The following CCDC91 variants were observed in gnomAD, a reference collection of about 807,000 sequenced individuals.
CCDC91 encodes the protein coiled-coil domain-containing protein 91.
CCDC91 carries 48 observed loss-of-function variants against 63.2 expected under a neutral mutation model. The ratio of observed to expected loss-of-function variants is 0.76; its 90% confidence interval spans 0.60 to 0.97. The LOEUF (loss-of-function observed/expected upper bound fraction) is 0.97. Among genes scored for constraint, CCDC91 ranks in the 50% least tolerant of loss-of-function variants. The pLI is 0.00. For missense variants in CCDC91, 500 were observed against 494.6 expected (o/e 1.01, Z -0.10); for synonymous variants, 167 against 165.8 (o/e 1.01, Z -0.06).
intron 1 of CCDC91, among the ~76,000 whole-genome samples, chr12:28,224,446 C>T (rs571246309): frequency 6.0e-4 from 92 of 152,196 alleles, no homozygotes; most frequent in African/African-American, 1.9e-3. Flanking sequence ...TATTTCCTCC[C>T]TTTTTCTTTC....
At chr12:28,363,700 A>T (rs1341484023) in intron 7 of CCDC91, among the ~76,000 whole-genome samples, 1 of 151,138 alleles carries the variant, frequency 6.6e-6, no homozygotes, top group Non-Finnish European at 1.5e-5. Context: ...ACACGGTGAA[A>T]CCCCGTCTCT....
intron 11 of CCDC91, among the ~76,000 whole-genome samples, chr12:28,464,026 C>CTT (rs891565742): frequency 6.6e-6 from 1 of 152,138 alleles, no homozygotes; most frequent in African/African-American, 2.4e-5. Flanking sequence ...GAGTGTCTCT[C>CTT]TGCCCTGGGG....
At chr12:28,226,668 G>A (rs1944290683) in intron 1 of CCDC91, among the ~76,000 whole-genome samples, 1 of 151,900 alleles carries the variant, frequency 6.6e-6, no homozygotes, top group Non-Finnish European at 1.5e-5. Flanking sequence ...TAAATGAATG[G>A]CCAATATTTA....
At chr12:28,365,432 T>G (rs577604782) in intron 7 of CCDC91, among the ~76,000 whole-genome samples, 1 of 152,266 alleles carries the variant, frequency 6.6e-6, no homozygotes, top group South Asian at 2.1e-4. Context: ...ACACTCACAA[T>G]AACAAGAAAA....
intron 1 of CCDC91, among the ~76,000 whole-genome samples, chr12:28,235,816 A>G (rs1167223976): frequency 6.6e-6 from 1 of 151,442 alleles, no homozygotes; most frequent in Non-Finnish European, 1.5e-5. Context: ...TTTTTTTGGT[A>G]CTTAAGCTGT....
chr12:28,371,402 T>A (rs949566558), intron 7 of CCDC91, among the ~76,000 whole-genome samples: 4 of 152,188 alleles, frequency 2.6e-5, no homozygotes, highest in African/African-American at 4.8e-5. Context: ...AATTTCATCC[T>A]GAAACCATCC....
At chr12:28,435,309 T>C (rs7977418) in intron 8 of CCDC91, among the ~76,000 whole-genome samples, 60,477 of 151,262 alleles carry the variant, frequency 0.4, 12,573 homozygotes, top group Middle Eastern at 0.5. Flanking sequence ...TTGCGTTTTT[T>C]TTTTCTTTTA....
chr12:28,416,743 C>G (rs1947686177), intron 8 of CCDC91, among the ~76,000 whole-genome samples: 1 of 152,062 alleles, frequency 6.6e-6, no homozygotes, highest in Non-Finnish European at 1.5e-5. Context: ...GAGCCAGGGT[C>G]AAGGCCTAGT....
intron 1 of CCDC91, among the ~76,000 whole-genome samples, chr12:28,243,500 G>A (rs1203420891): frequency 1.3e-5 from 2 of 152,114 alleles, no homozygotes; most frequent in Non-Finnish European, 2.9e-5. Context: ...ATTGGTATAC[G>A]TAAATTAGTA....
chr12:28,463,233 G>T (rs1950393787), intron 11 of CCDC91, among the ~76,000 whole-genome samples: 1 of 152,162 alleles, frequency 6.6e-6, no homozygotes, highest in Non-Finnish European at 1.5e-5. Flanking sequence ...AGATGGAAAT[G>T]AGCACAGTGT....
chr12:28,448,293 A>G (rs1219086552), intron 8 of CCDC91, among the ~76,000 whole-genome samples: 4 of 152,210 alleles, frequency 2.6e-5, no homozygotes, highest in Non-Finnish European at 5.9e-5. Flanking sequence ...AGCACTTTCA[A>G]CAGTGCCTGG....
intron 3 of CCDC91, among the ~76,000 whole-genome samples, chr12:28,276,565 C>G (rs1948240283): frequency 2.0e-5 from 3 of 151,876 alleles, no homozygotes; most frequent in African/African-American, 7.3e-5. Context: ...TGATAAAGAT[C>G]TTGGCTGAGG....
rs138854769 is a variant in CCDC91 at position 28,193,132 on chromosome 12, A to G, written c.-15+2491A>G. ...TGTGTGAATATATCATAGTATGTTTATTCGCCATTTGATGAACAATTTTTG... is the reference window on the plus strand; with the variant it reads ...TGTGTGAATATATCATAGTATGTTTGTTCGCCATTTGATGAACAATTTTTG... On this transcript the variant is annotated intron_variant, in intron 1 of 12. Coordinates refer to ENST00000536442, the MANE Select transcript of CCDC91 (RefSeq NM_018318.5). Among the ~76,000 whole-genome samples, 170 of 152,344 alleles carry G rather than the reference A, an allele frequency of 1.1e-3. 3 individuals carry two copies. Among genetic ancestry groups the G allele is most frequent in the African/African-American group, 3.9e-3 (164 of 41,570 alleles).
intron 7 of CCDC91, among the ~76,000 whole-genome samples, chr12:28,379,073 G>C (rs1945121654): frequency 6.6e-6 from 1 of 151,948 alleles, no homozygotes; most frequent in African/African-American, 2.4e-5. Flanking sequence ...GATAGTCAAA[G>C]GAATGAAGAG....
chr12:28,512,028 G>T (rs982746977), intron 12 of CCDC91, among the ~76,000 whole-genome samples: 4 of 151,712 alleles, frequency 2.6e-5, no homozygotes. Flanking sequence ...GATGGATTTT[G>T]GGACTTACCA....
intron 12 of CCDC91, among the ~76,000 whole-genome samples, chr12:28,508,806 A>G (rs903256384): frequency 6.6e-6 from 1 of 151,968 alleles, no homozygotes; most frequent in Non-Finnish European, 1.5e-5. Flanking sequence ...GCGATAAGTA[A>G]GTAGGGCCAC....
At chr12:28,261,004 A>C (rs1401848129) in intron 3 of CCDC91, among the ~76,000 whole-genome samples, 1 of 151,994 alleles carries the variant, frequency 6.6e-6, no homozygotes, top group Non-Finnish European at 1.5e-5. Context: ...TTAGGGATGA[A>C]GTGTATTCTT....
intron 3 of CCDC91, among the ~76,000 whole-genome samples, chr12:28,294,643 G>A (rs1436470108): frequency 6.6e-6 from 1 of 151,930 alleles, no homozygotes; most frequent in Non-Finnish European, 1.5e-5. Context: ...GGAGTGCAGT[G>A]GCACGATTTC....
Position 28,452,613 on chromosome 12 carries a change from G to C in CCDC91, c.1060G>C (p.Glu354Gln). Residue 354 changes from glutamate to glutamine, a missense_variant, in exon 11 of 13, where the codon GAA becomes CAA. Coordinates refer to ENST00000536442, the MANE Select transcript of CCDC91 (RefSeq NM_018318.5). Reference protein sequence around the residue: ...HAKDQEKVSQEIQKAIQEQRK... With the variant: ...HAKDQEKVSQQIQKAIQEQRK... ...AAAAGATCAAGAAAAAGTATCTCAG[G>C]AAATTCAAAAAGCTATACAAGAACA... 6.4e-7 allele frequency: 1 copy of C among 1,571,384 alleles called. No individual in the cohort carries two copies. The highest frequency in any genetic ancestry group is 8.6e-7 in the Non-Finnish European group (1 of 1,159,784).
Sources: allele counts gnomAD v4.1 joint callset (sites outside exome capture counted in the v4.1 genomes callset), GRCh38; gene constraint gnomAD v4.1.1; transcripts MANE v1.5; gene names NCBI Gene and HGNC (gene_info 2026-07-23, HGNC 2026-07-21).